The following NCAPG2 variants were observed in gnomAD, a reference collection of about 807,000 sequenced individuals.
NCAPG2 encodes the protein non-SMC condensin II complex subunit G2.
Under a neutral mutation model 141.1 loss-of-function variants are expected in NCAPG2, and 53 were observed. That is an observed-to-expected ratio of 0.38 (90% CI 0.30 to 0.47). The LOEUF (loss-of-function observed/expected upper bound fraction) is 0.47. NCAPG2 is among the 20% of genes least tolerant of loss of function. The pLI, the probability that NCAPG2 is intolerant of heterozygous loss-of-function variation, is 0.99. For synonymous variants in NCAPG2, 499 were observed against 490.7 expected, an observed-to-expected ratio of 1.02 and a Z score of -0.22; for missense variants, 1,087 against 1,389.0, an observed-to-expected ratio of 0.78 and a Z score of 3.46.
chr7:158,665,023 A>C (rs1832810216), intron 13 of NCAPG2: 2 of 333,292 alleles, frequency 6.0e-6, no homozygotes, highest in East Asian at 1.1e-4. Context: ...ATTAACATAC[A>C]GTAAACTCTC....
chr7:158,662,846 T>G (rs1476658492), intron 15 of NCAPG2, among the ~76,000 whole-genome samples: 1 of 152,126 alleles, frequency 6.6e-6, no homozygotes, highest in African/African-American at 2.4e-5. Context: ...CAGTCTCTGG[T>G]TGGCCAACTC....
chr7:158,680,310 G>C (rs1437130618), intron 10 of NCAPG2, among the ~76,000 whole-genome samples: 1 of 152,134 alleles, frequency 6.6e-6, no homozygotes, highest in African/African-American at 2.4e-5. Context: ...ATGTCACTAA[G>C]AAGTGGTCAC....
At chr7:158,672,311 TATATATATATATATA>T (rs2129464891) in intron 12 of NCAPG2, among the ~76,000 whole-genome samples, 4 of 41,178 alleles carry the variant, frequency 9.7e-5, no homozygotes, top group African/African-American at 2.2e-4. Context: ...TATATATATA[TATATATATATATATA>T]TATTTTTTTT....
intron 12 of NCAPG2, among the ~76,000 whole-genome samples, chr7:158,672,654 TGAC>T (rs1349298356): frequency 6.6e-6 from 1 of 152,116 alleles, no homozygotes; most frequent in African/African-American, 2.4e-5. Flanking sequence ...TATATTTTAA[TGAC>T]GATAATTTTT....
Position 158,686,230 on chromosome 7 carries a change from A to G in NCAPG2, c.779T>C (p.Val260Ala), listed in dbSNP as rs1834746700. 5.8e-6 allele frequency: 9 copies of G among 1,550,818 alleles called. No individual in the cohort carries two copies. The highest frequency in any genetic ancestry group is 1.2e-5 in the South Asian group (1 of 81,704). ...TCTGAAATAAATTTCTGCAATGTAT[A>G]CCATCAAAGACCTATATAAAAAGAT... ...QLQGLQKSLM[V>A]YIAEIYFRAW... The change falls in exon 8 of 28, where the codon GTA (valine) becomes GCA (alanine). Residue 260 changes from valine (V) to alanine (A), a missense_variant. Coordinates refer to ENST00000356309, the MANE Select transcript of NCAPG2 (RefSeq NM_017760.7).
chr7:158,646,582 A>G lies in NCAPG2; in HGVS notation c.3076-19T>C. 6.5e-7 allele frequency: 1 copy of G among 1,531,598 alleles called. No homozygotes were observed. Among genetic ancestry groups the G allele is most frequent in the South Asian group, 1.2e-5 (1 of 82,096 alleles). 94.9% of individuals were successfully genotyped at this position (1,531,598 alleles called of 1,614,324 possible). On this transcript the variant is annotated intron_variant, in intron 24 of 27. Transcript: ENST00000356309. ...CAGAAACCTAAAAAAGTTCCAAATC[A>G]GCAAGTTGTAAACAGAGACTAGGCT... is the stretch of plus-strand genomic sequence containing the variant.
At chr7:158,669,792 A>AAAAAAAG in intron 13 of NCAPG2, among the ~76,000 whole-genome samples, 1 of 150,900 alleles carries the variant, frequency 6.6e-6, no homozygotes, top group Non-Finnish European at 1.5e-5. Flanking sequence ...AAAAAAAAAA[A>AAAAAAAG]AAAATTGACA....
rs1472770927 is a variant in NCAPG2 at position 158,655,372 on chromosome 7, G to A, written c.2472C>T (p.Leu824=). 1.9e-6 allele frequency: 3 copies of A among 1,614,176 alleles called. No individual in the cohort carries two copies. Among genetic ancestry groups the A allele is most frequent in the South Asian group, 1.1e-5 (1 of 91,088 alleles). ...SEAAAPRAFG[L]HCRLSIHLQH... ...GAAGATGGATGCTCAGGCGACAGTG[G>A]AGACCAAAGGCTCGCGGGGCAGCTG... is the stretch of plus-strand genomic sequence containing the variant. Residue 824 remains leucine (L), a synonymous_variant, in exon 20 of 28, where the codon CTC becomes CTT. Transcript: ENST00000356309.
chr7:158,660,961 A>G (rs9768231), intron 16 of NCAPG2, among the ~76,000 whole-genome samples: 4,253 of 152,122 alleles, frequency 0.028, 188 homozygotes, highest in African/African-American at 0.096. Context: ...ACCATGTAAG[A>G]CGTGCCTTTT....
Position 158,700,647 on chromosome 7 carries a change from A to G in NCAPG2, c.78+1175T>C, listed in dbSNP as rs1374565691. ...AGTTTGCGATTATTTTTAAGTTTAC[A>G]GGATATCATTTTATAATACCAAAAC... On this transcript the variant is annotated intron_variant, in intron 2 of 27. Transcript: ENST00000356309. Among the ~76,000 whole-genome samples the G allele has an allele frequency of 2.0e-5, 3 of 152,256 alleles. No homozygotes were observed. The East Asian group carries it at 5.8e-4, about 29-fold the overall frequency.
intron 12 of NCAPG2, among the ~76,000 whole-genome samples, chr7:158,674,813 T>G (rs1322944716): frequency 6.6e-6 from 1 of 152,212 alleles, no homozygotes; most frequent in African/African-American, 2.4e-5. Context: ...CAGTTCTTCT[T>G]AGGTCATCTC....
At chr7:158,639,065 A>T (rs138037772) in intron 27 of NCAPG2, among the ~76,000 whole-genome samples, 421 of 152,216 alleles carry the variant, frequency 2.8e-3, no homozygotes, top group Non-Finnish European at 5.3e-3. Context: ...ACAGGGAGAG[A>T]GGGACCATGT....
At chr7:158,667,574 GC>G (rs1380929113) in intron 13 of NCAPG2, among the ~76,000 whole-genome samples, 3 of 14,876 alleles carry the variant, frequency 2.0e-4, no homozygotes, top group African/African-American at 2.9e-4. Flanking sequence ...GGGTCCCTCC[GC>G]CCTCCCTTAC....
intron 12 of NCAPG2, among the ~76,000 whole-genome samples, chr7:158,674,415 T>C (rs1833931355): frequency 1.3e-5 from 2 of 152,040 alleles, no homozygotes; most frequent in South Asian, 4.1e-4. Flanking sequence ...GCCTCTCAAG[T>C]AGCTGGGACT....
intron 9 of NCAPG2, 117 bp downstream of exon 9, chr7:158,683,183 G>A (rs1369623264): frequency 5.2e-5 from 43 of 832,334 alleles, no homozygotes; most frequent in Non-Finnish European, 7.5e-5. Flanking sequence ...TCAAGGTTCT[G>A]AGAAATCCCC....
rs73729914 is a variant in NCAPG2 at position 158,701,469 on chromosome 7, T to G, written c.78+353A>C. On this transcript the variant is annotated intron_variant, in intron 2 of 27. Coordinates refer to ENST00000356309, the MANE Select transcript of NCAPG2 (RefSeq NM_017760.7). ...AAGATAAAGTCTGAATTCCTTAAAA[T>G]GGTAAAGACTCGTGTAGCCTAGCCC... Among the ~76,000 whole-genome samples the G allele has an allele frequency of 2.4e-3, 369 of 152,318 alleles. 3 individuals are homozygous for G. The highest frequency in any genetic ancestry group is 8.5e-3 in the African/African-American group (354 of 41,578).
In NCAPG2 at chr7:158,689,893, A is replaced by C. The variant is rs1306334663; in HGVS notation, c.598T>G (p.Leu200Val). ...TCTTTAATTTCTCCACTTTCCTCCAAATCATAATCAAAGCAATATAAAGCT... is the reference window on the plus strand; with the variant it reads ...TCTTTAATTTCTCCACTTTCCTCCACATCATAATCAAAGCAATATAAAGCT... Reference protein sequence around the residue: ...HQALYCFDYDLEESGEIKDML... With the variant: ...HQALYCFDYDVEESGEIKDML... Residue 200 changes from leucine (L) to valine (V), a missense_variant, in exon 6 of 28, where the codon TTG (leucine) becomes GTG (valine). Physicochemically the swap from Leu to Val is conservative, Grantham distance 32. Transcript: ENST00000356309. 6.2e-7 allele frequency: 1 copy of C among 1,607,392 alleles called. No homozygotes were observed. The highest frequency in any genetic ancestry group is 8.5e-7 in the Non-Finnish European group (1 of 1,176,576).
chr7:158,704,048 C>T (rs1206624439), intron 1 of NCAPG2, among the ~76,000 whole-genome samples: 3 of 146,692 alleles, frequency 2.0e-5, no homozygotes, highest in African/African-American at 7.6e-5. Context: ...GGGACGCTCT[C>T]TGAGGGCAGT....
intron 16 of NCAPG2, among the ~76,000 whole-genome samples, chr7:158,659,251 C>T (rs957092852): frequency 7.3e-5 from 11 of 150,352 alleles, no homozygotes; most frequent in Admixed American, 1.3e-4. Context: ...ATCGCCTGAA[C>T]CCAGGAGGCA....
Sources: gnomAD v4.1 joint callset for allele counts (sites outside exome capture counted in the v4.1 genomes callset) on GRCh38, gnomAD v4.1.1 for gene constraint, MANE v1.5 for transcripts, NCBI Gene and HGNC (gene_info 2026-07-23, HGNC 2026-07-21) for gene names.